SHISA9: variants seen among roughly 807,000 people sequenced by gnomAD.
The protein encoded by SHISA9 is shisa family member 9.
Under a neutral mutation model 38.0 loss-of-function variants are expected in SHISA9, and 13 were observed. That is an observed-to-expected ratio of 0.34 (90% CI 0.22 to 0.54). SHISA9 has a LOEUF of 0.54. Among genes scored for constraint, SHISA9 ranks in the 20% least tolerant of loss-of-function variants. The probability of loss-of-function intolerance (pLI) is 0.91; values close to 1 mark genes in which losing one functional copy is unlikely to be tolerated. For synonymous variants in SHISA9, 275 were observed against 242.0 expected (o/e 1.14, Z -1.27); for missense variants, 538 against 575.8 (o/e 0.93, Z 0.67).
At chr16:13,233,138 TTAAA>T (rs1193778841) in intron 4 of SHISA9, among the ~76,000 whole-genome samples, 8 of 152,192 alleles carry the variant, frequency 5.3e-5, no homozygotes, top group African/African-American at 1.7e-4. Flanking sequence ...ATATATAGCG[TTAAA>T]TAAAACCCAT....
chr16:13,082,777 G>T (rs2073666978), intron 2 of SHISA9, among the ~76,000 whole-genome samples: 1 of 152,138 alleles, frequency 6.6e-6, no homozygotes, highest in Admixed American at 6.5e-5. Context: ...TACATGTGTG[G>T]GTGGGGGGCT....
At chr16:13,172,741 A>ATT (rs35564627) in intron 2 of SHISA9, among the ~76,000 whole-genome samples, 2,601 of 128,826 alleles carry the variant, frequency 0.02, 72 homozygotes, top group African/African-American at 0.062. Context: ...TATCTTGATG[A>ATT]TTTTTTTTTT....
intron 2 of SHISA9, among the ~76,000 whole-genome samples, chr16:12,979,911 A>T (rs1351625648): frequency 1.3e-5 from 2 of 151,918 alleles, no homozygotes; most frequent in East Asian, 3.9e-4. Flanking sequence ...TTTTAGGTTG[A>T]TATTATCTAT....
At chr16:13,098,579 A>G (rs1207828799) in intron 2 of SHISA9, among the ~76,000 whole-genome samples, 1 of 152,206 alleles carries the variant, frequency 6.6e-6, no homozygotes, top group African/African-American at 2.4e-5. Context: ...TCAGGCTACA[A>G]TAAGACAGGA....
rs533775674 is a variant in SHISA9 at position 13,028,771 on chromosome 16, G to A, written c.691+111956G>A. ...TAGATAAATTATGGCATAGAGGGTCGTTGGAACAGCTGGGGTCATATGACC... is the reference window on the plus strand; with the variant it reads ...TAGATAAATTATGGCATAGAGGGTCATTGGAACAGCTGGGGTCATATGACC... On this transcript the variant is annotated intron_variant, in intron 2 of 4. Transcript: ENST00000558583. Among the ~76,000 whole-genome samples, 6 of 152,274 alleles carry A rather than the reference G, an allele frequency of 3.9e-5. No individual in the cohort carries two copies. The South Asian group carries it at 8.3e-4, about 21-fold the overall frequency.
At chr16:13,295,631 G>A in the SHISA9 span, among the ~76,000 whole-genome samples, 2 of 152,256 alleles carry the variant, frequency 1.3e-5, no homozygotes, top group East Asian at 3.9e-4. Flanking sequence ...ACCTCGGGGG[G>A]TTCAATTTCC....
the SHISA9 span, among the ~76,000 whole-genome samples, chr16:13,287,421 A>G: frequency 2.0e-5 from 3 of 152,312 alleles, no homozygotes; most frequent in African/African-American, 4.8e-5. Context: ...CCAGATGGAG[A>G]ACAACTAAGC....
the SHISA9 span, among the ~76,000 whole-genome samples, chr16:13,295,522 C>A: frequency 6.6e-6 from 1 of 152,190 alleles, no homozygotes; most frequent in Admixed American, 6.5e-5. Context: ...CTGACATTGG[C>A]CCGTCCTTCA....
intron 2 of SHISA9, among the ~76,000 whole-genome samples, chr16:13,120,345 T>G (rs74012280): frequency 0.025 from 3,847 of 152,146 alleles, 89 homozygotes; most frequent in East Asian, 0.054. Flanking sequence ...CAGGGGACTT[T>G]TTAACAGGGG....
intron 2 of SHISA9, among the ~76,000 whole-genome samples, chr16:13,200,412 A>T (rs533115509): frequency 7.9e-6 from 1 of 125,848 alleles, no homozygotes; most frequent in South Asian, 2.4e-4. Context: ...ATCATGAAAC[A>T]CACACACACA....
chr16:13,046,385 G>T (rs2073188835), intron 2 of SHISA9, among the ~76,000 whole-genome samples: 2 of 152,172 alleles, frequency 1.3e-5, no homozygotes. Flanking sequence ...TAGATGGCTT[G>T]GGGAGTGTGA....
chr16:13,043,380 G>A (rs911088861), intron 2 of SHISA9, among the ~76,000 whole-genome samples: 2 of 152,158 alleles, frequency 1.3e-5, no homozygotes, highest in African/African-American at 4.8e-5. Flanking sequence ...AAAGAGAAAC[G>A]GGCTTAGTAA....
chr16:13,471,510 C>T, the SHISA9 span, among the ~76,000 whole-genome samples: 1 of 152,100 alleles, frequency 6.6e-6, no homozygotes, highest in African/African-American at 2.4e-5. Flanking sequence ...AGTGTGTGTT[C>T]CTTCCAAGCT....
chr16:13,011,957 C>G (rs1201148165), intron 2 of SHISA9, among the ~76,000 whole-genome samples: 1 of 152,128 alleles, frequency 6.6e-6, no homozygotes, highest in African/African-American at 2.4e-5. Context: ...TCCCGAGTAG[C>G]TGGAACTACA....
the SHISA9 span, among the ~76,000 whole-genome samples, chr16:13,262,664 GGAAGGA>G: frequency 1.1e-4 from 12 of 114,118 alleles, no homozygotes; most frequent in African/African-American, 3.8e-4. Flanking sequence ...AAGGAAGGAA[GGAAGGA>G]AGGGAGGGAG....
the SHISA9 span, among the ~76,000 whole-genome samples, chr16:13,250,032 C>T: frequency 6.6e-6 from 1 of 152,284 alleles, no homozygotes; most frequent in Admixed American, 6.5e-5. Context: ...CCACACCTGG[C>T]CACATCTCTG....
chr16:13,437,696 T>G, the SHISA9 span, among the ~76,000 whole-genome samples: 2 of 152,138 alleles, frequency 1.3e-5, no homozygotes, highest in Non-Finnish European at 2.9e-5. Context: ...CCAGAGCATT[T>G]CTCAAGTCAT....
the SHISA9 span, among the ~76,000 whole-genome samples, chr16:13,516,460 G>C: frequency 6.6e-6 from 1 of 152,168 alleles, no homozygotes; most frequent in Admixed American, 6.5e-5. Flanking sequence ...AGAGTATTTT[G>C]GTCCAAGATG....
At chr16:13,178,537 G>A (rs926535301) in intron 2 of SHISA9, among the ~76,000 whole-genome samples, 5 of 152,048 alleles carry the variant, frequency 3.3e-5, no homozygotes, top group African/African-American at 1.2e-4. Context: ...CTCATTTACA[G>A]CCCTCAACAT....
Sources: gnomAD v4.1 joint callset for allele counts (sites outside exome capture counted in the v4.1 genomes callset) on GRCh38, gnomAD v4.1.1 for gene constraint, MANE v1.5 for transcripts, NCBI Gene and HGNC (gene_info 2026-07-23, HGNC 2026-07-21) for gene names.